Variants in BZW2 observed in about 807,000 individuals in gnomAD.
BZW2 encodes eIF5-mimic protein 1.
In BZW2, 23 loss-of-function variants were observed where a neutral mutation model predicts 53.2. The ratio of observed to expected loss-of-function variants is 0.43; its 90% CI spans 0.31 to 0.61. The LOEUF is 0.61. BZW2 is among the 20% of genes least tolerant of loss of function. BZW2 has a pLI of 0.09. For synonymous variants in BZW2, 227 were observed against 186.4 expected (o/e 1.22, Z -1.77); for missense variants, 409 against 503.1 (o/e 0.81, Z 1.79).
rs558668893 is a variant in BZW2 at position 16,665,608 on chromosome 7, C to T, written c.58+107C>T. ...TTCCCCCAGCCTCACTGATTCTACT[C>T]ATTTGAGCTCTGAGTGTAGAATCTG... On this transcript the variant is annotated intron_variant, in intron 2 of 11. Coordinates refer to ENST00000258761, the MANE Select transcript of BZW2 (RefSeq NM_014038.3). The T allele has an allele frequency of 9.2e-6, 14 of 1,519,922 alleles. 1 individual carries two copies. The highest frequency in any genetic ancestry group is 1.7e-4 in the Middle Eastern group (1 of 5,886). The allele number at this position is 1,519,922 out of a possible 1,614,324, so 94.2% of individuals were successfully genotyped here.
At chr7:16,698,855 A>C (rs1783582744) in intron 10 of BZW2, among the ~76,000 whole-genome samples, 1 of 152,190 alleles carries the variant, frequency 6.6e-6, no homozygotes, top group Non-Finnish European at 1.5e-5. Flanking sequence ...AAAAAGGAAC[A>C]CTTAAGAAGT....
rs965757544 is a variant in BZW2, at chr7:16,646,313, A to G, written c.-8+25A>G. 4 of 183,276 alleles carry G rather than the reference A, an allele frequency of 2.2e-5. No individual in the cohort carries two copies. In the South Asian group the frequency reaches 2.6e-4, roughly 12 times the overall value. The allele number at this position is 183,276 out of a possible 1,614,324, so 11.4% of individuals were successfully genotyped here. A position where few individuals can be genotyped will look rare whatever the true frequency, so the allele number is the denominator to read the frequency against. On this transcript the variant is annotated intron_variant, in intron 1 of 11. Coordinates refer to ENST00000258761, the MANE Select transcript of BZW2 (RefSeq NM_014038.3). ...GGTGAGAAGCAGCCCAGGTGAGGCAAGGGGCGCCGTGAGGGTTGCGAGAGT... is the reference window on the plus strand; with the variant it reads ...GGTGAGAAGCAGCCCAGGTGAGGCAGGGGGCGCCGTGAGGGTTGCGAGAGT...
In BZW2 at chr7:16,665,493, G is replaced by A. The variant is rs1274145599; in HGVS notation, c.50G>A (p.Arg17Gln). 6 of 1,612,990 alleles carry A rather than the reference G, an allele frequency of 3.7e-6. No individual in the cohort carries two copies. The highest frequency in any genetic ancestry group is 1.3e-5 in the African/African-American group (1 of 74,078). ...CTAACAGGCCAGCGGTTCAAAACTC[G>A]GAAAAGGGGTAGGTTGTGTGTGTGT... ...PVLTGQRFKTRKRDEKEKFEP... is the reference protein window; with the variant it reads ...PVLTGQRFKTQKRDEKEKFEP... Residue 17 changes from arginine to glutamine, a missense_variant, in exon 2 of 12, where the codon CGG becomes CAG. By Grantham distance (43) the Arg-to-Gln change is conservative. Transcript: ENST00000258761.
intron 6 of BZW2, among the ~76,000 whole-genome samples, chr7:16,688,156 T>C (rs1182106605): frequency 2.0e-5 from 3 of 152,158 alleles, no homozygotes; most frequent in Non-Finnish European, 2.9e-5. Context: ...CTGGGTCAAA[T>C]TGGTATATAA....
Position 16,681,157 on chromosome 7 carries a change from A to G in BZW2, c.236-144A>G, listed in dbSNP as rs1239561109. 16 of 683,324 alleles carry G rather than the reference A, an allele frequency of 2.3e-5. No homozygotes were observed. In the East Asian group the frequency reaches 3.3e-4, roughly 14 times the overall value. 42.3% of individuals were successfully genotyped at this position (683,324 alleles called of 1,614,324 possible). On this transcript the variant is annotated intron_variant, in intron 3 of 11. Transcript: ENST00000258761. Reference sequence around the variant, plus strand: ...GCAACGTGTGTACATCTATACATACATGTCATTCTTTGAAATTTTATGTGA... The same window carrying G: ...GCAACGTGTGTACATCTATACATACGTGTCATTCTTTGAAATTTTATGTGA...
At chr7:16,701,380 A>T (rs1215615641) in intron 10 of BZW2, among the ~76,000 whole-genome samples, 1 of 152,154 alleles carries the variant, frequency 6.6e-6, no homozygotes, top group Admixed American at 6.6e-5. Context: ...GTTTGCAGAA[A>T]TTTTTTAGGT....
chr7:16,703,292 A>G lies in BZW2; in HGVS notation c.1109-1255A>G, dbSNP rs140617664. Among the ~76,000 whole-genome samples the G allele has an allele frequency of 3.0e-3, 451 of 152,314 alleles. 1 individual carries two copies. The highest frequency in any genetic ancestry group is 9.9e-3 in the African/African-American group (410 of 41,576). On this transcript the variant is annotated intron_variant, in intron 10 of 11. Coordinates refer to ENST00000258761, the MANE Select transcript of BZW2 (RefSeq NM_014038.3). ...AAATGTAATGTTTTTAGTGATGATA[A>G]TAAACATGTTTTTTTAAAAAACCTT...
intron 1 of BZW2, among the ~76,000 whole-genome samples, chr7:16,664,474 G>T (rs1232298591): frequency 6.6e-6 from 1 of 152,194 alleles, no homozygotes; most frequent in Non-Finnish European, 1.5e-5. Flanking sequence ...TGAAAGAGAG[G>T]CAGGAACAGA....
At chr7:16,656,273 G>T (rs1583700627) in intron 1 of BZW2, among the ~76,000 whole-genome samples, 1 of 152,060 alleles carries the variant, frequency 6.6e-6, no homozygotes, top group South Asian at 2.1e-4. Flanking sequence ...TATCATTGAT[G>T]AAGAATACAG....
intron 2 of BZW2, among the ~76,000 whole-genome samples, chr7:16,668,302 GT>G (rs1276625365): frequency 1.3e-5 from 2 of 152,202 alleles, no homozygotes; most frequent in Non-Finnish European, 2.9e-5. Flanking sequence ...GAACCAGAAA[GT>G]TTTCTCTCCT....
chr7:16,654,602 T>C (rs528311395), intron 1 of BZW2, among the ~76,000 whole-genome samples: 29 of 150,384 alleles, frequency 1.9e-4, no homozygotes, highest in African/African-American at 7.1e-4. Flanking sequence ...TGGCATGATC[T>C]TGGCTCACTG....
At chr7:16,673,692 A>G (rs146551028) in intron 2 of BZW2, among the ~76,000 whole-genome samples, 1 of 152,244 alleles carries the variant, frequency 6.6e-6, no homozygotes, top group East Asian at 1.9e-4. Context: ...TTAGGGTTCC[A>G]AAGTTTAGAA....
At chr7:16,663,528 G>A (rs1302364323) in intron 1 of BZW2, among the ~76,000 whole-genome samples, 1 of 151,914 alleles carries the variant, frequency 6.6e-6, no homozygotes, top group Non-Finnish European at 1.5e-5. Context: ...ATTATGTGAA[G>A]CTACAAGTTT....
intron 1 of BZW2, among the ~76,000 whole-genome samples, chr7:16,659,074 C>T (rs1241401747): frequency 1.3e-5 from 2 of 150,798 alleles, no homozygotes; most frequent in Non-Finnish European, 3.0e-5. Flanking sequence ...CCAGCCTGGG[C>T]AACATGGCGA....
At chr7:16,647,377 T>C (rs1287160023) in intron 1 of BZW2, among the ~76,000 whole-genome samples, 4 of 152,226 alleles carry the variant, frequency 2.6e-5, no homozygotes, top group Admixed American at 2.6e-4. Flanking sequence ...CATAGCGCCA[T>C]ACGAAAAGCG....
chr7:16,668,223 C>T (rs111237498), intron 2 of BZW2, among the ~76,000 whole-genome samples: 38 of 152,280 alleles, frequency 2.5e-4, no homozygotes, highest in African/African-American at 8.9e-4. Context: ...GAGAGGGCCT[C>T]AGAATGTGTT....
chr7:16,671,839 G>A (rs1176198604), intron 2 of BZW2, among the ~76,000 whole-genome samples: 2 of 148,024 alleles, frequency 1.4e-5, no homozygotes, highest in Non-Finnish European at 3.0e-5. Context: ...GCTGAAGCAG[G>A]AAAATCACAT....
chr7:16,694,457 G>T (rs1783416703), intron 7 of BZW2, among the ~76,000 whole-genome samples: 1 of 151,984 alleles, frequency 6.6e-6, no homozygotes, highest in African/African-American at 2.4e-5. Context: ...GCTAGCTCAG[G>T]TCTCCCCTCC....
At chr7:16,685,773 C>T in intron 5 of BZW2, 132 bp from the exon 6 acceptor site, 2 of 1,141,658 alleles carry the variant, frequency 1.8e-6, no homozygotes, top group African/African-American at 1.6e-5. Flanking sequence ...TTGCATATGA[C>T]CTTCTGTTTG....
Sources: gnomAD v4.1 joint callset for allele counts (sites outside exome capture counted in the v4.1 genomes callset) on GRCh38, gnomAD v4.1.1 for gene constraint, MANE v1.5 for transcripts, NCBI Gene and HGNC (gene_info 2026-07-23, HGNC 2026-07-21) for gene names.